AFF3: variants seen among roughly 807,000 people sequenced by gnomAD.
AFF3 encodes the protein ALF transcription elongation factor 3.
In AFF3, 32 loss-of-function variants were observed where a neutral mutation model predicts 129.7. The observed-to-expected ratio is 0.25, with a 90% confidence interval of 0.19 to 0.33. The LOEUF (loss-of-function observed/expected upper bound fraction) is 0.33, where lower values mean the gene tolerates loss of function less well. Among genes scored for constraint, AFF3 ranks in the 10% least tolerant of loss-of-function variants. AFF3 has a pLI of 1.00. For missense variants in AFF3, 1,373 were observed against 1,592.0 expected, an observed-to-expected ratio of 0.86 and a Z score of 2.34; for synonymous variants, 644 against 635.4, an observed-to-expected ratio of 1.01 and a Z score of -0.20.
chr2:99,671,987 A>T (rs890127484), intron 12 of AFF3, among the ~76,000 whole-genome samples: 2 of 152,206 alleles, frequency 1.3e-5, no homozygotes, highest in Non-Finnish European at 2.9e-5. Context: ...CACATTTATC[A>T]TTTAAGACAA....
At chr2:99,558,763 C>A in intron 22 of AFF3, 112 bp downstream of exon 22, 1 of 1,004,704 alleles carries the variant, frequency 1.0e-6, no homozygotes, top group Non-Finnish European at 1.5e-6. Context: ...CCTTGGGGAC[C>A]AGAGGTGACC....
intron 7 of AFF3, among the ~76,000 whole-genome samples, chr2:99,953,812 G>T (rs1204563657): frequency 6.6e-6 from 1 of 152,246 alleles, no homozygotes. Flanking sequence ...GACGGTGAGG[G>T]ATGGTGTGGG....
In AFF3 at chr2:99,729,887, A is replaced by C. The variant is rs560603302; in HGVS notation, c.1040-2759T>G. Among the ~76,000 whole-genome samples, 4 of 152,108 alleles carry C rather than the reference A, an allele frequency of 2.6e-5. No individual in the cohort carries two copies. The South Asian group carries it at 6.2e-4, about 24-fold the overall frequency. ...TTCACACTGGTCTCTTTGGGAGGGA[A>C]TCTGCATTGGTCATTAATAAGCTGG... On this transcript the variant is annotated intron_variant, in intron 10 of 24. Transcript: ENST00000672756.
At chr2:99,847,651 G>A (rs1016465653) in intron 7 of AFF3, among the ~76,000 whole-genome samples, 1 of 149,974 alleles carries the variant, frequency 6.7e-6, no homozygotes, top group Admixed American at 6.6e-5. Context: ...GTAGAACTTG[G>A]GGTATCTGGG....
intron 7 of AFF3, among the ~76,000 whole-genome samples, chr2:99,935,382 A>G (rs1187778818): frequency 6.6e-6 from 1 of 152,252 alleles, no homozygotes; most frequent in Non-Finnish European, 1.5e-5. Flanking sequence ...TCATTCAGCC[A>G]TTCTACAAAT....
intron 13 of AFF3, among the ~76,000 whole-genome samples, chr2:99,632,988 G>A (rs921829023): frequency 2.6e-5 from 4 of 152,238 alleles, no homozygotes; most frequent in Middle Eastern, 3.4e-3. Flanking sequence ...TTTATCACTC[G>A]TCAAGGCCAA....
At chr2:99,556,072 A>G (rs1259842128) in intron 22 of AFF3, among the ~76,000 whole-genome samples, 1 of 152,188 alleles carries the variant, frequency 6.6e-6, no homozygotes, top group Non-Finnish European at 1.5e-5. Flanking sequence ...GATCTATAGA[A>G]TGCATGTTCT....
intron 13 of AFF3, among the ~76,000 whole-genome samples, chr2:99,615,017 T>G (rs953934107): frequency 1.3e-5 from 2 of 152,248 alleles, no homozygotes; most frequent in Non-Finnish European, 2.9e-5. Flanking sequence ...GAGTATAATG[T>G]AATAATATAT....
intron 12 of AFF3, among the ~76,000 whole-genome samples, chr2:99,655,979 G>A (rs1367676637): frequency 2.0e-5 from 3 of 152,154 alleles, no homozygotes. Flanking sequence ...TCAGGTGTGA[G>A]GTCCAGGTTT....
At chr2:99,968,032 T>C (rs1274707727) in intron 7 of AFF3, among the ~76,000 whole-genome samples, 4 of 149,182 alleles carry the variant, frequency 2.7e-5, no homozygotes, top group Admixed American at 2.0e-4. Context: ...TCAGCAACAG[T>C]AGATCATTCT....
intron 11 of AFF3, among the ~76,000 whole-genome samples, chr2:99,694,701 C>A (rs949749867): frequency 6.6e-6 from 1 of 152,062 alleles, no homozygotes; most frequent in South Asian, 2.1e-4. Context: ...AAAAACCCAA[C>A]GAATTTTTTT....
intron 20 of AFF3, among the ~76,000 whole-genome samples, chr2:99,561,390 C>T (rs984800621): frequency 6.6e-6 from 1 of 152,176 alleles, no homozygotes; most frequent in East Asian, 1.9e-4. Flanking sequence ...ATTTTTACAG[C>T]GGTTGCTCTG....
At chr2:99,642,673 C>T (rs1167922159) in intron 13 of AFF3, among the ~76,000 whole-genome samples, 1 of 152,132 alleles carries the variant, frequency 6.6e-6, no homozygotes, top group Non-Finnish European at 1.5e-5. Context: ...CAAAACGTGG[C>T]CCAAACCTCC....
At chr2:100,013,479 A>G (rs1342812239) in intron 4 of AFF3, among the ~76,000 whole-genome samples, 1 of 152,204 alleles carries the variant, frequency 6.6e-6, no homozygotes, top group Non-Finnish European at 1.5e-5. Context: ...TGATCATCAA[A>G]ACAATGTCAT....
chr2:99,631,432 T>G (rs1306656429), intron 13 of AFF3, among the ~76,000 whole-genome samples: 1 of 152,216 alleles, frequency 6.6e-6, no homozygotes, highest in Non-Finnish European at 1.5e-5. Context: ...TGTACAACCA[T>G]CACCAACACC....
intron 13 of AFF3, among the ~76,000 whole-genome samples, chr2:99,628,613 C>A (rs11901863): frequency 0.53 from 79,560 of 150,840 alleles, 21,290 homozygotes; most frequent in African/African-American, 0.61. Context: ...CTGGAGTGCA[C>A]TGGCGTGATC....
chr2:99,567,043 T>C (rs946169874), intron 19 of AFF3, among the ~76,000 whole-genome samples: 3 of 151,470 alleles, frequency 2.0e-5, no homozygotes, highest in African/African-American at 4.9e-5. Flanking sequence ...TCTTGGCTCA[T>C]TGCAATCTCT....
At chr2:99,592,722 T>C (rs1575448866) in intron 15 of AFF3, among the ~76,000 whole-genome samples, 1 of 152,076 alleles carries the variant, frequency 6.6e-6, no homozygotes, top group Non-Finnish European at 1.5e-5. Flanking sequence ...TCACTTGAGG[T>C]CAGGAGTTCG....
intron 4 of AFF3, among the ~76,000 whole-genome samples, chr2:100,026,092 A>C (rs951258181): frequency 3.9e-5 from 6 of 152,230 alleles, no homozygotes; most frequent in African/African-American, 9.6e-5. Flanking sequence ...CAAAAGGAAC[A>C]GTCGGCACAG....
Sources: allele counts gnomAD v4.1 joint callset (sites outside exome capture counted in the v4.1 genomes callset), GRCh38; gene constraint gnomAD v4.1.1; transcripts MANE v1.5; gene names NCBI Gene and HGNC (gene_info 2026-07-23, HGNC 2026-07-21).